Variants in RNF31 observed in about 807,000 individuals in gnomAD.
RNF31 encodes ring finger protein 31.
A neutral mutation model predicts 133.6 loss-of-function variants in RNF31; 38 were observed. The ratio of observed to expected loss-of-function variants is 0.28; its 90% CI spans 0.22 to 0.37. RNF31 has a LOEUF of 0.37. Among genes scored for constraint, RNF31 ranks in the 10% least tolerant of loss-of-function variants. RNF31 has a pLI of 1.00. For synonymous variants in RNF31, 582 were observed against 552.3 expected, an observed-to-expected ratio of 1.05 and a Z score of -0.75; for missense variants, 1,118 against 1,394.1, an observed-to-expected ratio of 0.80 and a Z score of 3.15.
chr14:24,148,539 G>A, intron 3 of RNF31, 103 bp from the exon 4 acceptor site: 2 of 1,581,832 alleles, frequency 1.3e-6, no homozygotes, highest in Non-Finnish European at 8.7e-7. Flanking sequence ...TGGGAGCTCC[G>A]GGTACTGATT....
chr14:24,149,686 G>A (rs930926717), intron 6 of RNF31, 103 bp downstream of exon 6: 5 of 1,190,834 alleles, frequency 4.2e-6, no homozygotes, highest in Non-Finnish European at 5.9e-6. Context: ...GTTTAATAGA[G>A]GACAAGTAGC....
chr14:24,155,558 G>A lies in RNF31; in HGVS notation c.2404-45G>A. ...AGCTACTGTGGAGGGGCAGGGGATG[G>A]TTCCAGGTCAGGCCTTTGATAACTT... On this transcript the variant is annotated intron_variant, in intron 13 of 20. Coordinates refer to ENST00000324103, the MANE Select transcript of RNF31 (RefSeq NM_017999.5). This position sits in a 1 kb window ranked among gnomAD's most constrained non-coding sequence, Gnocchi z 4.9. 6.2e-7 allele frequency: 1 copy of A among 1,613,610 alleles called. No homozygotes were observed. Among genetic ancestry groups the A allele is most frequent in the Non-Finnish European group, 8.5e-7 (1 of 1,179,456 alleles).
chr14:24,156,758 G>A (rs529426249), intron 14 of RNF31, among the ~76,000 whole-genome samples: 47 of 150,974 alleles, frequency 3.1e-4, no homozygotes, highest in Admixed American at 3.0e-3. Flanking sequence ...CAGCCTGGGT[G>A]ACAGAGCGAG....
rs1205564450 is a variant in RNF31, at chr14:24,155,928, G to A, written c.2493+236G>A. ...AAGGAAGGAAAGAAAGTAAGCCAGA[G>A]GAACTAATTATACATAGGCATAAAT... On this transcript the variant is annotated intron_variant, in intron 14 of 20. Transcript: ENST00000324103. The surrounding 1 kb of genome is among the most constrained non-coding windows in gnomAD (Gnocchi z 4.9). Among the ~76,000 whole-genome samples, 1 of 152,134 alleles carries A rather than the reference G, an allele frequency of 6.6e-6. No homozygotes were observed. The highest frequency in any genetic ancestry group is 1.5e-5 in the Non-Finnish European group (1 of 68,020).
chr14:24,155,128 C>T lies in RNF31; in HGVS notation c.2131-29C>T. The T allele has an allele frequency of 1.2e-6, 2 of 1,604,978 alleles. No individual in the cohort carries two copies. Among genetic ancestry groups the T allele is most frequent in the Non-Finnish European group, 1.7e-6 (2 of 1,173,114 alleles). ...TAGCCTGGCAGCTGTGGCTTCTGAC[C>T]CCCTCCCCTCCAACCCCTCACCCTC... On this transcript the variant is annotated intron_variant, in intron 11 of 20. Coordinates refer to ENST00000324103, the MANE Select transcript of RNF31 (RefSeq NM_017999.5). The surrounding 1 kb of genome is among the most constrained non-coding windows in gnomAD (Gnocchi z 4.9).
In RNF31 at chr14:24,155,073, T is replaced by C. The variant is rs749255437; in HGVS notation, c.2131-84T>C. On this transcript the variant is annotated intron_variant, in intron 11 of 20. Coordinates refer to ENST00000324103, the MANE Select transcript of RNF31 (RefSeq NM_017999.5). This position sits in a 1 kb window ranked among gnomAD's most constrained non-coding sequence, Gnocchi z 4.9. ...CAGTTGTTAATTAGACCCTGATTTC[T>C]TAGTGGACACCTGGCCACTGCCTCT... is the stretch of plus-strand genomic sequence containing the variant. 5.9e-6 allele frequency: 8 copies of C among 1,362,974 alleles called. No homozygotes were observed. The highest frequency in any genetic ancestry group is 7.1e-6 in the Non-Finnish European group (7 of 979,512). The allele number at this position is 1,362,974 out of a possible 1,614,324, so 84.4% of individuals were successfully genotyped here.
intron 11 of RNF31, among the ~76,000 whole-genome samples, chr14:24,153,749 C>T (rs1566615046): frequency 2.0e-5 from 3 of 151,408 alleles, no homozygotes; most frequent in Non-Finnish European, 4.4e-5. Context: ...ACAAAAAATA[C>T]AAAAATTAGC....
chr14:24,153,556 G>A (rs759289346), intron 11 of RNF31, among the ~76,000 whole-genome samples: 3 of 151,378 alleles, frequency 2.0e-5, no homozygotes, highest in Non-Finnish European at 4.4e-5. Context: ...CAGCCTGGGC[G>A]ACAGAATGAG....
Position 24,157,309 on chromosome 14 carries a change from G to A in RNF31, c.2513G>A (p.Gly838Asp). 1 of 1,610,118 alleles carries A rather than the reference G, an allele frequency of 6.2e-7. No individual in the cohort carries two copies. The highest frequency in any genetic ancestry group is 1.3e-5 in the African/African-American group (1 of 74,978). Residue 838 changes from glycine (G) to aspartate (D), a missense_variant, in exon 15 of 21, where the codon GGT becomes GAT. This residue lies in a region of RNF31 where 201 missense variants were observed against 371.7 expected (regional missense o/e 0.54). Coordinates refer to ENST00000324103, the MANE Select transcript of RNF31 (RefSeq NM_017999.5). ...CKRQWEEQHR[G>D]RSCEDFQNWK... is the part of the protein sequence containing the mutation. ...TGGCAGTGGGAGGAGCAGCACCGAG[G>A]TCGGAGCTGTGAGGACTTCCAGAAC...
At chr14:24,152,655 C>T (rs2038283477) in intron 11 of RNF31, among the ~76,000 whole-genome samples, 2 of 152,108 alleles carry the variant, frequency 1.3e-5, no homozygotes, top group African/African-American at 4.8e-5. Context: ...TTGACCTCTA[C>T]AATTATTTTA....
At chr14:24,147,038 G>GGA (rs1194212555), upstream of RNF31, 5 of 228,610 alleles carry the variant, frequency 2.2e-5, no homozygotes, top group Non-Finnish European at 3.5e-5. Context: ...CGCCTGGGGT[G>GGA]GAGAAGGACT....
rs2038329035 is a variant in RNF31 at position 24,155,507 on chromosome 14, G to T, written c.2398G>T (p.Ala800Ser). The change falls in exon 13 of 21, where the codon GCC becomes TCC. Residue 800 changes from alanine to serine, a missense_variant. Ala to Ser is a moderately conservative substitution (Grantham distance 99). Coordinates refer to ENST00000324103, the MANE Select transcript of RNF31 (RefSeq NM_017999.5). The surrounding 1 kb of genome is among the most constrained non-coding windows in gnomAD (Gnocchi z 4.9). Reference protein sequence around the residue: ...LMRDPKFLWCAQCSFGFIYER... With the variant: ...LMRDPKFLWCSQCSFGFIYER... ...GCGGGACCCCAAGTTCTTGTGGTGT[G>T]CCCAGGTAAGTGGCCTGCCCAGGGC... 1 of 1,614,196 alleles carries T rather than the reference G, an allele frequency of 6.2e-7. No individual in the cohort carries two copies. Among genetic ancestry groups the T allele is most frequent in the Non-Finnish European group, 8.5e-7 (1 of 1,180,008 alleles).
rs2038328668 is a variant in RNF31 at position 24,155,479 on chromosome 14, G to A, written c.2370G>A (p.Leu790=). ...LFHKKLTEGV[L]MRDPKFLWCA... is the part of the protein sequence containing the mutation. ...ATAAGAAGCTGACCGAGGGTGTGCT[G>A]ATGCGGGACCCCAAGTTCTTGTGGT... The change falls in exon 13 of 21, where the codon CTG becomes CTA. Residue 790 remains leucine, a synonymous_variant. Transcript: ENST00000324103. The surrounding 1 kb of genome is among the most constrained non-coding windows in gnomAD (Gnocchi z 4.9). The A allele has an allele frequency of 6.2e-7, 1 of 1,614,108 alleles. No homozygotes were observed. The highest frequency in any genetic ancestry group is 1.3e-5 in the African/African-American group (1 of 74,944).
intron 18 of RNF31, chr14:24,158,493 T>G: frequency 2.1e-6 from 1 of 466,064 alleles, no homozygotes; most frequent in Non-Finnish European, 3.9e-6. Context: ...AATGAGTGTT[T>G]AATGAGAAGT....
rs1453689378 is a variant in RNF31 at position 24,148,888 on chromosome 14, C to T, written c.631+12C>T. On this transcript the variant is annotated intron_variant, in intron 5 of 20. Transcript: ENST00000324103. ...ACCCTCTGTCCCAGGTATTATTGGTCCTAAATTGGGGACCAGGTAGGAAGC... is the reference window on the plus strand; with the variant it reads ...ACCCTCTGTCCCAGGTATTATTGGTTCTAAATTGGGGACCAGGTAGGAAGC... 1 of 1,611,194 alleles carries T rather than the reference C, an allele frequency of 6.2e-7. No homozygotes were observed. The highest frequency in any genetic ancestry group is 1.3e-5 in the African/African-American group (1 of 74,818).
chr14:24,155,007 C>A lies in RNF31; in HGVS notation c.2131-150C>A. The A allele has an allele frequency of 1.4e-6, 1 of 694,286 alleles. No individual in the cohort carries two copies. Among genetic ancestry groups the A allele is most frequent in the Non-Finnish European group, 2.4e-6 (1 of 416,122 alleles). The allele number at this position is 694,286 out of a possible 1,614,324, so 43.0% of individuals were successfully genotyped here. Reference sequence around the variant, plus strand: ...GACTGTCTTCAGATGTTTACGTTGCCTGCCTGGCCCCTGCTGGCACTTGAG... The same window carrying A: ...GACTGTCTTCAGATGTTTACGTTGCATGCCTGGCCCCTGCTGGCACTTGAG... On this transcript the variant is annotated intron_variant, in intron 11 of 20. Transcript: ENST00000324103. This position sits in a 1 kb window ranked among gnomAD's most constrained non-coding sequence, Gnocchi z 4.9.
chr14:24,158,184 C>G lies in RNF31; in HGVS notation c.2884C>G (p.Arg962Gly). ...TAATACAGAGCCTCCAGCTGGGGCC[C>G]GGGCAGTCCCTGGAGGTGAGTGTTA... ...MFNTEPPAGA[R>G]AVPGGGCRVI... Residue 962 changes from arginine to glycine, a missense_variant, in exon 18 of 21, where the codon CGG becomes GGG. Arg to Gly is a moderately radical substitution (Grantham distance 125, BLOSUM62 -2). Coordinates refer to ENST00000324103, the MANE Select transcript of RNF31 (RefSeq NM_017999.5). 6.2e-7 allele frequency: 1 copy of G among 1,614,168 alleles called. No homozygotes were observed. The highest frequency in any genetic ancestry group is 1.1e-5 in the South Asian group (1 of 91,092).
Position 24,157,330 on chromosome 14 carries a change from A to G in RNF31, c.2534A>G (p.Gln845Arg). 1 of 1,612,626 alleles carries G rather than the reference A, an allele frequency of 6.2e-7. No individual in the cohort carries two copies. The highest frequency in any genetic ancestry group is 1.7e-4 in the Middle Eastern group (1 of 6,058). Residue 845 changes from glutamine (Q) to arginine (R), a missense_variant, in exon 15 of 21, where the codon CAG becomes CGG. Gln to Arg is a conservative substitution (Grantham distance 43). Coordinates refer to ENST00000324103, the MANE Select transcript of RNF31 (RefSeq NM_017999.5). ...CGAGGTCGGAGCTGTGAGGACTTCC[A>G]GAACTGGAAACGCATGAACGACCCA... ...QHRGRSCEDFQNWKRMNDPEY... is the reference protein window; with the variant it reads ...QHRGRSCEDFRNWKRMNDPEY...
intron 14 of RNF31, among the ~76,000 whole-genome samples, chr14:24,156,949 C>T: frequency 6.6e-6 from 1 of 151,974 alleles, no homozygotes; most frequent in East Asian, 1.9e-4. Context: ...GAGAATTGAC[C>T]CTAGGGGAGC....
Sources: gnomAD v4.1 joint callset for allele counts (sites outside exome capture counted in the v4.1 genomes callset) on GRCh38, gnomAD v4.1.1 for gene constraint, gnomAD v4.1.1 regional missense constraint, Gnocchi (gnomAD v3.1) non-coding constraint, MANE v1.5 for transcripts, NCBI Gene and HGNC (gene_info 2026-07-23, HGNC 2026-07-21) for gene names.